Variants in RALGAPA2 observed in about 807,000 individuals in gnomAD.
RALGAPA2 encodes ral GTPase-activating protein subunit alpha-2.
RALGAPA2 carries 139 observed loss-of-function variants against 230.4 expected under a neutral mutation model. That is an observed-to-expected ratio of 0.60 (90% CI 0.53 to 0.69). The LOEUF (loss-of-function observed/expected upper bound fraction) is 0.69, where lower values mean the gene tolerates loss of function less well. Among genes scored for constraint, RALGAPA2 ranks in the 30% least tolerant of loss-of-function variants. The pLI, the probability that RALGAPA2 is intolerant of heterozygous loss-of-function variation, is 0.00. For missense variants in RALGAPA2, 2,163 were observed against 2,276.0 expected (o/e 0.95, Z 1.01); for synonymous variants, 847 against 837.8 (o/e 1.01, Z -0.19).
chr20:20,637,527 A>G, intron 7 of RALGAPA2, 26 bp from the exon 8 acceptor site: 1 of 1,523,614 alleles, frequency 6.6e-7, no homozygotes, highest in East Asian at 2.5e-5. Context: ...GGAAAAGAAC[A>G]TATGTATATT....
At chr20:20,446,424 C>T (rs1207882857) in intron 37 of RALGAPA2, among the ~76,000 whole-genome samples, 1 of 152,134 alleles carries the variant, frequency 6.6e-6, no homozygotes, top group Non-Finnish European at 1.5e-5. Context: ...TATTCTGCTG[C>T]CATTACTTTT....
intron 9 of RALGAPA2, among the ~76,000 whole-genome samples, chr20:20,633,037 CTTTT>C (rs1186741660): frequency 3.4e-5 from 5 of 149,198 alleles, no homozygotes; most frequent in East Asian, 2.0e-4. Flanking sequence ...TTCTTTCTTT[CTTTT>C]TCTTTCCTTC....
intron 3 of RALGAPA2, among the ~76,000 whole-genome samples, chr20:20,659,195 G>A (rs770397136): frequency 6.6e-6 from 1 of 152,194 alleles, no homozygotes; most frequent in Non-Finnish European, 1.5e-5. Context: ...GTGAATGCCT[G>A]TGCTACAAGT....
At chr20:20,636,550 G>GTGTA (rs2066865239) in intron 8 of RALGAPA2, among the ~76,000 whole-genome samples, 1 of 151,648 alleles carries the variant, frequency 6.6e-6, no homozygotes, top group East Asian at 1.9e-4. Flanking sequence ...GTGTGTGTGT[G>GTGTA]TGTGTGTATG....
chr20:20,483,807 G>A (rs2061839566), intron 36 of RALGAPA2, among the ~76,000 whole-genome samples: 1 of 152,122 alleles, frequency 6.6e-6, no homozygotes. Flanking sequence ...CGAATAATGA[G>A]AGAATCAAGT....
At chr20:20,578,516 T>G (rs1267120159) in intron 20 of RALGAPA2, among the ~76,000 whole-genome samples, 1 of 152,124 alleles carries the variant, frequency 6.6e-6, no homozygotes, top group Non-Finnish European at 1.5e-5. Context: ...TAAATAATTT[T>G]TACAAAGAGA....
At chr20:20,412,887 C>T (rs1232249722) in intron 37 of RALGAPA2, among the ~76,000 whole-genome samples, 1 of 152,214 alleles carries the variant, frequency 6.6e-6, no homozygotes, top group Non-Finnish European at 1.5e-5. Context: ...AGGACCCCTG[C>T]GTGTGGCAGG....
intron 23 of RALGAPA2, among the ~76,000 whole-genome samples, chr20:20,569,540 T>C (rs2064556777): frequency 6.6e-6 from 1 of 152,182 alleles, no homozygotes; most frequent in South Asian, 2.1e-4. Context: ...AGCCTTAACT[T>C]AATTAAAAAC....
chr20:20,619,470 T>C, intron 11 of RALGAPA2, 56 bp from the exon 12 acceptor site: 1 of 1,296,134 alleles, frequency 7.7e-7, no homozygotes, highest in Non-Finnish European at 1.0e-6. Context: ...TTAACTTGCA[T>C]TTAACTATAA....
intron 26 of RALGAPA2, among the ~76,000 whole-genome samples, chr20:20,535,209 C>T (rs1235672145): frequency 6.6e-6 from 1 of 152,158 alleles, no homozygotes; most frequent in Non-Finnish European, 1.5e-5. Flanking sequence ...TGTTCCCCTC[C>T]ATTAGCATTC....
intron 33 of RALGAPA2, among the ~76,000 whole-genome samples, chr20:20,505,860 G>T (rs975291000): frequency 2.6e-5 from 4 of 152,164 alleles, no homozygotes; most frequent in African/African-American, 9.7e-5. Context: ...TCAGACATAA[G>T]ATACACCGAC....
chr20:20,420,949 T>C (rs545497292), intron 37 of RALGAPA2, among the ~76,000 whole-genome samples: 22 of 152,312 alleles, frequency 1.4e-4, no homozygotes, highest in Admixed American at 4.6e-4. Context: ...GTATAGAGGA[T>C]GCACAAGAAA....
intron 35 of RALGAPA2, among the ~76,000 whole-genome samples, chr20:20,496,026 T>G (rs1226815784): frequency 6.6e-6 from 1 of 152,170 alleles, no homozygotes; most frequent in East Asian, 1.9e-4. Context: ...TGAGTAGCAG[T>G]GGCAGAGTGG....
chr20:20,446,232 TC>T (rs1314165671), intron 37 of RALGAPA2, among the ~76,000 whole-genome samples: 1 of 152,064 alleles, frequency 6.6e-6, no homozygotes, highest in Non-Finnish European at 1.5e-5. Context: ...ATTTGAGATA[TC>T]CCCCTCTCAA....
intron 33 of RALGAPA2, among the ~76,000 whole-genome samples, chr20:20,507,794 T>G (rs2062577604): frequency 6.6e-6 from 1 of 152,238 alleles, no homozygotes; most frequent in Non-Finnish European, 1.5e-5. Flanking sequence ...ACTAGCCTAT[T>G]CCAAGAGCTA....
chr20:20,642,165 AGG>A (rs2067060958), intron 5 of RALGAPA2, among the ~76,000 whole-genome samples: 2 of 58,112 alleles, frequency 3.4e-5, no homozygotes, highest in African/African-American at 6.2e-5. Flanking sequence ...AGGGGAGGGG[AGG>A]GGAGGGGAGG....
intron 1 of RALGAPA2, among the ~76,000 whole-genome samples, chr20:20,695,472 A>T (rs770182753): frequency 6.6e-6 from 1 of 152,230 alleles, no homozygotes; most frequent in Non-Finnish European, 1.5e-5. Flanking sequence ...CCCATTCCCA[A>T]GACCTGGGAG....
intron 37 of RALGAPA2, among the ~76,000 whole-genome samples, chr20:20,445,414 C>T (rs1211594255): frequency 6.6e-6 from 1 of 152,186 alleles, no homozygotes; most frequent in Non-Finnish European, 1.5e-5. Flanking sequence ...ATGGGGGCCA[C>T]TGAATGACAT....
intron 5 of RALGAPA2, among the ~76,000 whole-genome samples, chr20:20,642,972 T>C (rs1164336710): frequency 6.6e-6 from 1 of 152,216 alleles, no homozygotes; most frequent in East Asian, 1.9e-4. Context: ...GTATATGTTA[T>C]AATAAAAGAC....
Sources: gnomAD v4.1 joint callset for allele counts (sites outside exome capture counted in the v4.1 genomes callset) on GRCh38, gnomAD v4.1.1 for gene constraint, MANE v1.5 for transcripts, NCBI Gene and HGNC (gene_info 2026-07-23, HGNC 2026-07-21) for gene names.